DENND1A: variants seen among roughly 807,000 people sequenced by gnomAD.
The protein encoded by DENND1A is DENN domain containing 1A.
Under a neutral mutation model 113.7 loss-of-function variants are expected in DENND1A, and 51 were observed. The observed-to-expected ratio is 0.45, with a 90% confidence interval of 0.36 to 0.57. The LOEUF (loss-of-function observed/expected upper bound fraction) is 0.57. DENND1A is among the 20% of genes least tolerant of loss of function. The pLI is 0.00. For synonymous variants in DENND1A, 565 were observed against 570.8 expected (o/e 0.99, Z 0.14); for missense variants, 1,258 against 1,395.9 (o/e 0.90, Z 1.57).
chr9:123,572,206 C>T (rs73578186), intron 12 of DENND1A, among the ~76,000 whole-genome samples: 56,047 of 152,032 alleles, frequency 0.37, 10,651 homozygotes, highest in African/African-American at 0.45. Context: ...TTCCAGAATA[C>T]AAAATAAATG....
intron 11 of DENND1A, among the ~76,000 whole-genome samples, chr9:123,587,014 G>A (rs368230676): frequency 4.6e-5 from 7 of 151,728 alleles, no homozygotes; most frequent in African/African-American, 1.7e-4. Flanking sequence ...CAGGTGGATC[G>A]GCAGGTTGAG....
intron 9 of DENND1A, among the ~76,000 whole-genome samples, chr9:123,648,877 T>A (rs1203911685): frequency 6.6e-6 from 1 of 152,208 alleles, no homozygotes; most frequent in Non-Finnish European, 1.5e-5. Flanking sequence ...TCCCCAGAGA[T>A]GCTACAATGC....
intron 2 of DENND1A, among the ~76,000 whole-genome samples, chr9:123,869,973 T>C: frequency 7.9e-6 from 1 of 125,920 alleles, no homozygotes; most frequent in East Asian, 2.3e-4. Flanking sequence ...TATGTAAGAG[T>C]GCCTGGGTGA....
intron 5 of DENND1A, among the ~76,000 whole-genome samples, chr9:123,700,505 C>A (rs1482910823): frequency 6.6e-6 from 1 of 152,124 alleles, no homozygotes; most frequent in Non-Finnish European, 1.5e-5. Context: ...ATGTTGCAGT[C>A]CTGAGTCCAA....
intron 7 of DENND1A, among the ~76,000 whole-genome samples, chr9:123,667,919 C>T (rs2063568836): frequency 6.6e-6 from 1 of 152,024 alleles, no homozygotes; most frequent in South Asian, 2.1e-4. Flanking sequence ...GAAATTCTGC[C>T]CCCGAAGCCC....
chr9:123,642,418 T>C (rs1384877368), intron 9 of DENND1A, among the ~76,000 whole-genome samples: 1 of 152,254 alleles, frequency 6.6e-6, no homozygotes, highest in Non-Finnish European at 1.5e-5. Flanking sequence ...AAAGCCTCTA[T>C]TCCATGCCAC....
intron 2 of DENND1A, among the ~76,000 whole-genome samples, chr9:123,871,666 C>A (rs913335217): frequency 3.3e-5 from 5 of 152,090 alleles, no homozygotes; most frequent in Non-Finnish European, 5.9e-5. Context: ...CTGAGAAACT[C>A]AGCAACCAAA....
intron 22 of DENND1A, among the ~76,000 whole-genome samples, chr9:123,386,381 C>CT (rs34797849): frequency 0.15 from 20,223 of 135,126 alleles, 1,975 homozygotes; most frequent in Admixed American, 0.24. Context: ...TCTTTTCTTT[C>CT]TTTTTTTTTT....
intron 2 of DENND1A, among the ~76,000 whole-genome samples, chr9:123,851,926 A>G (rs1843429353): frequency 6.6e-6 from 1 of 152,226 alleles, no homozygotes; most frequent in Non-Finnish European, 1.5e-5. Context: ...CAGAATCCAA[A>G]AGCCCAGAAG....
intron 19 of DENND1A, among the ~76,000 whole-genome samples, chr9:123,417,395 C>T (rs1337811369): frequency 1.3e-5 from 2 of 152,186 alleles, no homozygotes; most frequent in East Asian, 1.9e-4. Context: ...AACTTCTGTT[C>T]TTTCTTTTGA....
intron 1 of DENND1A, among the ~76,000 whole-genome samples, chr9:123,925,924 G>A (rs1180404982): frequency 2.6e-5 from 4 of 152,106 alleles, no homozygotes; most frequent in African/African-American, 7.2e-5. Flanking sequence ...AACTTCCTTC[G>A]ATTACTTACA....
intron 1 of DENND1A, among the ~76,000 whole-genome samples, chr9:123,920,980 G>C (rs543784284): frequency 6.2e-4 from 94 of 152,190 alleles, no homozygotes; most frequent in African/African-American, 2.2e-3. Flanking sequence ...AAGAGCAATA[G>C]TGCTTTGTAT....
intron 13 of DENND1A, among the ~76,000 whole-genome samples, chr9:123,520,353 G>C (rs146492954): frequency 9.2e-5 from 14 of 152,170 alleles, no homozygotes; most frequent in African/African-American, 3.4e-4. Context: ...CAGCTACTCG[G>C]GAGGCTGAGG....
intron 8 of DENND1A, among the ~76,000 whole-genome samples, chr9:123,661,961 A>G (rs1019803213): frequency 6.6e-6 from 1 of 152,178 alleles, no homozygotes; most frequent in African/African-American, 2.4e-5. Context: ...AGAAAAATGA[A>G]GAATATTTTT....
chr9:123,443,899 G>A (rs1331301331), intron 18 of DENND1A, among the ~76,000 whole-genome samples: 1 of 152,120 alleles, frequency 6.6e-6, no homozygotes, highest in Non-Finnish European at 1.5e-5. Context: ...TGAGGCTGTA[G>A]TGAGCCGTGA....
intron 13 of DENND1A, among the ~76,000 whole-genome samples, chr9:123,525,537 G>A (rs188467773): frequency 4.4e-4 from 67 of 152,158 alleles, no homozygotes; most frequent in Non-Finnish European, 8.1e-4. Flanking sequence ...AGCTTTAACC[G>A]GATCCGTTTC....
chr9:123,784,682 T>C (rs768908791), intron 3 of DENND1A, among the ~76,000 whole-genome samples: 2 of 152,172 alleles, frequency 1.3e-5, no homozygotes, highest in Non-Finnish European at 2.9e-5. Context: ...CTCATAAGAA[T>C]GTGTAAGTAA....
chr9:123,406,443 G>A (rs896028945), intron 20 of DENND1A, among the ~76,000 whole-genome samples: 2 of 152,220 alleles, frequency 1.3e-5, no homozygotes, highest in African/African-American at 2.4e-5. Flanking sequence ...AAAGGAAGAC[G>A]ATGAGTGGGT....
intron 6 of DENND1A, among the ~76,000 whole-genome samples, chr9:123,676,323 T>C (rs1300533211): frequency 1.3e-5 from 2 of 152,206 alleles, no homozygotes; most frequent in Non-Finnish European, 2.9e-5. Context: ...GTGTTTTACT[T>C]GCAAACCCCA....
Sources: allele counts gnomAD v4.1 joint callset (sites outside exome capture counted in the v4.1 genomes callset), GRCh38; gene constraint gnomAD v4.1.1; transcripts MANE v1.5; gene names NCBI Gene and HGNC (gene_info 2026-07-23, HGNC 2026-07-21).